COPS3: variants seen among roughly 807,000 people sequenced by gnomAD.
COPS3 encodes the protein COP9 signalosome complex subunit 3.
COPS3 carries 10 observed loss-of-function variants against 58.2 expected under a neutral mutation model. The observed-to-expected ratio is 0.17, with a 90% CI of 0.11 to 0.29. The LOEUF (loss-of-function observed/expected upper bound fraction) is 0.29. Ranked by LOEUF, COPS3 falls within the 10% of genes least tolerant of loss-of-function variation. COPS3 has a pLI of 1.00. For missense variants in COPS3, 333 were observed against 510.1 expected (o/e 0.65, Z 3.34); for synonymous variants, 187 against 181.7 (o/e 1.03, Z -0.24).
rs1555620736 is a variant in COPS3 at position 17,271,881 on chromosome 17, T to TAATAATATTA, written c.186-874_186-873insTAATATTATT. Among the ~76,000 whole-genome samples the TAATAATATTA allele has an allele frequency of 2.7e-4, 33 of 124,352 alleles. No individual in the cohort carries two copies. The South Asian group carries it at 6.3e-3, about 24-fold the overall frequency. 81.6% of individuals were successfully genotyped at this position (124,352 alleles called of 152,430 possible). A position where few individuals can be genotyped will look rare whatever the true frequency, so the allele number is the denominator to read the frequency against. ...ATACACACATACACACACATATGTT[T>TAATAATATTA]AATAATATATATTAAATAATAAACA... On this transcript the variant is annotated intron_variant, in intron 2 of 11. Transcript: ENST00000268717.
chr17:17,254,832 A>AAAT, intron 9 of COPS3, 27 bp downstream of exon 9: 6 of 1,304,264 alleles, frequency 4.6e-6, no homozygotes, highest in African/African-American at 1.5e-5. Context: ...AAAAAAAAAA[A>AAAT]GAAAAAGAAA....
intron 6 of COPS3, among the ~76,000 whole-genome samples, chr17:17,262,843 A>C (rs1314290376): frequency 6.6e-6 from 1 of 152,006 alleles, no homozygotes; most frequent in Non-Finnish European, 1.5e-5. Flanking sequence ...CAATGCTCCC[A>C]CTTCAGCATC....
intron 8 of COPS3, among the ~76,000 whole-genome samples, chr17:17,259,364 A>C (rs2048044227): frequency 6.6e-6 from 1 of 152,128 alleles, no homozygotes; most frequent in African/African-American, 2.4e-5. Flanking sequence ...TAAAACACAA[A>C]AAATTTCATT....
chr17:17,262,117 G>A lies in COPS3; in HGVS notation c.622-11C>T, dbSNP rs180808507. On this transcript the variant is annotated splice_polypyrimidine_tract_variant and intron_variant, in intron 6 of 11. Transcript: ENST00000268717. ...AGGAGTAGTTATAGCCTAGGCAAGA[G>A]AAGAATGCTTGCTGTAAAGAGAACA... The A allele has an allele frequency of 2.0e-3, 3,170 of 1,602,384 alleles. 14 individuals carry two copies. In the Middle Eastern group the frequency reaches 0.024, roughly 12 times the overall value.
At chr17:17,254,702 C>T (rs1204473029) in intron 9 of COPS3, among the ~76,000 whole-genome samples, 157 bp downstream of exon 9, 1 of 148,656 alleles carries the variant, frequency 6.7e-6, no homozygotes, top group Non-Finnish European at 1.5e-5. Flanking sequence ...TCCCAGCTCT[C>T]GGGAGGCTGA....
At chr17:17,277,826 TG>T (rs1567864849) in intron 1 of COPS3, among the ~76,000 whole-genome samples, 1 of 152,026 alleles carries the variant, frequency 6.6e-6, no homozygotes, top group African/African-American at 2.4e-5. Context: ...GAGGATAAGG[TG>T]GGCAGATCTC....
intron 8 of COPS3, among the ~76,000 whole-genome samples, chr17:17,255,963 A>G (rs1308862085): frequency 2.0e-5 from 3 of 151,380 alleles, no homozygotes; most frequent in African/African-American, 7.3e-5. Context: ...AGGTCAGGAC[A>G]TCGAGACCAT....
In COPS3 at chr17:17,255,512, C is replaced by T. The variant is rs563977955; in HGVS notation, c.937-567G>A. Reference sequence around the variant, plus strand: ...AAAAAAAAAGTGTACAGAGCTCTTCCCATTGATGTACAGAATAGATTTGTG... The same window carrying T: ...AAAAAAAAAGTGTACAGAGCTCTTCTCATTGATGTACAGAATAGATTTGTG... On this transcript the variant is annotated intron_variant, in intron 8 of 11. Transcript: ENST00000268717. 8.0e-5 allele frequency among the ~76,000 whole-genome samples: 11 copies of T among 138,214 alleles called. No homozygotes were observed. In the South Asian group the frequency reaches 2.3e-3, roughly 29 times the overall value. The allele number at this position is 138,214 out of a possible 152,430, so 90.7% of individuals were successfully genotyped here. A position where few individuals can be genotyped will look rare whatever the true frequency, so the allele number is the denominator to read the frequency against.
At chr17:17,261,864 A>T (rs918515017) in intron 7 of COPS3, 102 bp downstream of exon 7, 1 of 956,208 alleles carries the variant, frequency 1.0e-6, no homozygotes, top group Admixed American at 2.5e-5. Context: ...CTGCTAGGAG[A>T]GCTAAATCAG....
At chr17:17,280,340 T>C (rs1293857783) in intron 1 of COPS3, among the ~76,000 whole-genome samples, 2 of 151,196 alleles carry the variant, frequency 1.3e-5, no homozygotes, top group African/African-American at 2.4e-5. Context: ...AAGGCGAAGG[T>C]TGAGGTGAGC....
chr17:17,256,482 G>A (rs1597667866), intron 8 of COPS3, among the ~76,000 whole-genome samples: 1 of 152,228 alleles, frequency 6.6e-6, no homozygotes, highest in East Asian at 1.9e-4. Flanking sequence ...GCTCTCTTGG[G>A]ATCTGATGAA....
rs923876098 is a variant in COPS3, at chr17:17,280,513, T to C, written c.55+619A>G. ...AGGCTGAGGTTGCAGTGAGCCGAGA[T>C]CGCGCCACTGCACTCCAGCCTCGGC... On this transcript the variant is annotated intron_variant, in intron 1 of 11. Transcript: ENST00000268717. 138 of 1,183,696 alleles carry C rather than the reference T, an allele frequency of 1.2e-4. No individual in the cohort carries two copies. In the African/African-American group the frequency reaches 2.2e-3, roughly 19 times the overall value. The allele number at this position is 1,183,696 out of a possible 1,614,324, so 73.3% of individuals were successfully genotyped here. A position where few individuals can be genotyped will look rare whatever the true frequency, so the allele number is the denominator to read the frequency against.
At chr17:17,247,795 T>C (rs761730553) in intron 10 of COPS3, 1 of 423,832 alleles carries the variant, frequency 2.4e-6, no homozygotes, top group Non-Finnish European at 4.2e-6. Context: ...ATCAAACACA[T>C]AGTATCTTTT....
At chr17:17,264,560 A>G (rs2048179673) in intron 6 of COPS3, among the ~76,000 whole-genome samples, 1 of 152,228 alleles carries the variant, frequency 6.6e-6, no homozygotes, top group Admixed American at 6.5e-5. Context: ...CAAATCAGAT[A>G]AGGTATAAGT....
intron 6 of COPS3, among the ~76,000 whole-genome samples, chr17:17,262,649 G>A (rs1187382228): frequency 4.6e-5 from 7 of 152,006 alleles, no homozygotes; most frequent in Admixed American, 3.3e-4. Context: ...AGAAGGGTGT[G>A]AACCCAGGAG....
chr17:17,270,194 G>A (rs1294529539), intron 4 of COPS3, among the ~76,000 whole-genome samples: 2 of 151,798 alleles, frequency 1.3e-5, no homozygotes, highest in Non-Finnish European at 2.9e-5. Context: ...TCTGGATGCT[G>A]ACCATTACAC....
chr17:17,259,627 G>A (rs1597673121), intron 8 of COPS3, among the ~76,000 whole-genome samples: 1 of 152,290 alleles, frequency 6.6e-6, no homozygotes, highest in South Asian at 2.1e-4. Context: ...GGGTGCGGTG[G>A]TTCATGTCTG....
At chr17:17,271,632 C>G (rs1228039873) in intron 2 of COPS3, among the ~76,000 whole-genome samples, 1 of 151,220 alleles carries the variant, frequency 6.6e-6, no homozygotes, top group Non-Finnish European at 1.5e-5. Context: ...CCAGCCTGAT[C>G]AACATGGAAA....
intron 1 of COPS3, chr17:17,280,886 G>T: frequency 9.9e-7 from 1 of 1,010,464 alleles, no homozygotes; most frequent in South Asian, 1.8e-5. Context: ...CCCAGGCCGG[G>T]GGGAGGGGGC....
Sources: allele counts gnomAD v4.1 joint callset (sites outside exome capture counted in the v4.1 genomes callset), GRCh38; gene constraint gnomAD v4.1.1; transcripts MANE v1.5; gene names NCBI Gene and HGNC (gene_info 2026-07-23, HGNC 2026-07-21).